The following EPHA6 variants were observed in gnomAD, a reference collection of about 807,000 sequenced individuals.
The protein encoded by EPHA6 is EPH receptor A6.
In EPHA6, 50 loss-of-function variants were observed where a neutral mutation model predicts 112.0. That is an observed-to-expected ratio of 0.45 (90% CI 0.36 to 0.56). EPHA6 has a LOEUF of 0.56. Ranked by LOEUF, EPHA6 falls within the 20% of genes least tolerant of loss-of-function variation. The pLI is 0.00. For synonymous variants in EPHA6, 529 were observed against 490.7 expected, an observed-to-expected ratio of 1.08 and a Z score of -1.03; for missense variants, 1,280 against 1,417.4, an observed-to-expected ratio of 0.90 and a Z score of 1.56.
intron 1 of EPHA6, among the ~76,000 whole-genome samples, chr3:96,854,016 GT>G (rs2035546136): frequency 6.6e-6 from 1 of 151,346 alleles, no homozygotes; most frequent in South Asian, 2.1e-4. Flanking sequence ...AGTATTCTGT[GT>G]TTTTTGTTTG....
chr3:97,274,889 G>T (rs916642027), intron 5 of EPHA6, among the ~76,000 whole-genome samples: 2 of 152,198 alleles, frequency 1.3e-5, no homozygotes, highest in African/African-American at 2.4e-5. Context: ...AATGGTAATT[G>T]TGGGAGACCC....
chr3:97,182,074 G>A (rs1317115869), intron 3 of EPHA6, among the ~76,000 whole-genome samples: 1 of 152,030 alleles, frequency 6.6e-6, no homozygotes, highest in African/African-American at 2.4e-5. Flanking sequence ...CCAGAGAAAA[G>A]ATGAACAAAC....
intron 12 of EPHA6, among the ~76,000 whole-genome samples, chr3:97,606,697 T>A (rs2093682517): frequency 1.3e-5 from 2 of 151,276 alleles, no homozygotes; most frequent in South Asian, 4.1e-4. Context: ...AAAACAATGA[T>A]TTAATATAGT....
intron 3 of EPHA6, among the ~76,000 whole-genome samples, chr3:97,180,509 C>G (rs1313095310): frequency 6.6e-6 from 1 of 152,090 alleles, no homozygotes; most frequent in Non-Finnish European, 1.5e-5. Context: ...CTGAAACCAC[C>G]AGGTTTCAGA....
At chr3:97,122,646 A>C (rs1434213270) in intron 3 of EPHA6, among the ~76,000 whole-genome samples, 1 of 152,096 alleles carries the variant, frequency 6.6e-6, no homozygotes. Context: ...CCAATGATAA[A>C]AAGCTGAAAG....
chr3:97,298,370 A>T (rs1182472430), intron 5 of EPHA6, among the ~76,000 whole-genome samples: 1 of 152,204 alleles, frequency 6.6e-6, no homozygotes, highest in Non-Finnish European at 1.5e-5. Flanking sequence ...AAGCATATGC[A>T]TGTGTTAGAT....
At chr3:96,998,314 A>G (rs1305899357) in intron 3 of EPHA6, among the ~76,000 whole-genome samples, 1 of 151,922 alleles carries the variant, frequency 6.6e-6, no homozygotes, top group Non-Finnish European at 1.5e-5. Flanking sequence ...ATTAATATGT[A>G]TATATATGCA....
chr3:97,601,909 C>T (rs574233848), intron 12 of EPHA6, among the ~76,000 whole-genome samples: 18 of 151,754 alleles, frequency 1.2e-4, no homozygotes, highest in East Asian at 9.7e-4. Context: ...ACAGAAAAGC[C>T]GAAAGCAAAA....
intron 1 of EPHA6, among the ~76,000 whole-genome samples, chr3:96,849,895 C>G (rs965325750): frequency 4.6e-5 from 7 of 152,084 alleles, no homozygotes; most frequent in Non-Finnish European, 1.0e-4. Flanking sequence ...GAGTGCCTGA[C>G]ATACAGGAAT....
intron 5 of EPHA6, among the ~76,000 whole-genome samples, chr3:97,394,459 A>G (rs1052857762): frequency 1.3e-5 from 2 of 151,906 alleles, no homozygotes; most frequent in Non-Finnish European, 2.9e-5. Flanking sequence ...ACAGCAAAGG[A>G]AATAATCAAC....
chr3:97,076,006 G>T (rs2046511938), intron 3 of EPHA6, among the ~76,000 whole-genome samples: 1 of 151,864 alleles, frequency 6.6e-6, no homozygotes, highest in South Asian at 2.1e-4. Flanking sequence ...TGTCCTTGGG[G>T]CTGCCTATTC....
At chr3:97,354,695 A>C (rs1309741015) in intron 5 of EPHA6, among the ~76,000 whole-genome samples, 2 of 152,174 alleles carry the variant, frequency 1.3e-5, no homozygotes, top group African/African-American at 2.4e-5. Flanking sequence ...GTTTATTCAA[A>C]CAAATAATAA....
At chr3:97,104,225 C>T (rs562731046) in intron 3 of EPHA6, among the ~76,000 whole-genome samples, 1 of 151,994 alleles carries the variant, frequency 6.6e-6, no homozygotes, top group East Asian at 1.9e-4. Flanking sequence ...GTCTTACGCC[C>T]TTTTCAAATA....
chr3:96,864,286 G>A (rs1235647671), intron 1 of EPHA6, among the ~76,000 whole-genome samples: 1 of 152,046 alleles, frequency 6.6e-6, no homozygotes, highest in African/African-American at 2.4e-5. Flanking sequence ...GCTTAGGGTG[G>A]CCTATGTATA....
intron 3 of EPHA6, among the ~76,000 whole-genome samples, chr3:97,065,164 A>C (rs1233221120): frequency 6.6e-6 from 1 of 152,152 alleles, no homozygotes; most frequent in Non-Finnish European, 1.5e-5. Context: ...CAAACAATGC[A>C]CGAGGAGATT....
intron 5 of EPHA6, among the ~76,000 whole-genome samples, chr3:97,284,320 ATC>A (rs756016972): frequency 1.8e-4 from 28 of 152,248 alleles, no homozygotes; most frequent in East Asian, 5.8e-4. Flanking sequence ...TAAAATTATT[ATC>A]TTTTTTCCTT....
intron 5 of EPHA6, among the ~76,000 whole-genome samples, chr3:97,259,444 CTTCAT>C (rs1402672535): frequency 6.6e-6 from 1 of 151,964 alleles, no homozygotes; most frequent in African/African-American, 2.4e-5. Flanking sequence ...TAGGTGTATT[CTTCAT>C]TTCATCACTT....
At chr3:97,503,540 T>C (rs924809412) in intron 10 of EPHA6, among the ~76,000 whole-genome samples, 2 of 152,110 alleles carry the variant, frequency 1.3e-5, no homozygotes, top group African/African-American at 2.4e-5. Context: ...CTTTGGAAAA[T>C]AACTGGTACT....
chr3:97,169,455 C>T (rs2108421958), intron 3 of EPHA6, among the ~76,000 whole-genome samples: 1 of 152,164 alleles, frequency 6.6e-6, no homozygotes, highest in African/African-American at 2.4e-5. Context: ...CTCTTCTTAT[C>T]CTTCTCCCTT....
Sources: allele counts gnomAD v4.1 joint callset (sites outside exome capture counted in the v4.1 genomes callset), GRCh38; gene constraint gnomAD v4.1.1; transcripts MANE v1.5; gene names NCBI Gene and HGNC (gene_info 2026-07-23, HGNC 2026-07-21).